ATP10B: variants seen among roughly 807,000 people sequenced by gnomAD.
ATP10B encodes the protein ATPase phospholipid transporting 10B (putative).
A neutral mutation model predicts 141.2 loss-of-function variants in ATP10B; 122 were observed. That is an observed-to-expected ratio of 0.86 (90% CI 0.75 to 1.00). The LOEUF (loss-of-function observed/expected upper bound fraction) is 1.00. Among genes scored for constraint, ATP10B ranks in the 50% least tolerant of loss-of-function variants. The pLI is 0.00. For missense variants in ATP10B, 1,876 were observed against 1,825.3 expected (o/e 1.03, Z -0.51); for synonymous variants, 685 against 692.0 (o/e 0.99, Z 0.16).
Position 160,708,229 on chromosome 5 carries a change from T to C in ATP10B, c.-205+8680A>G, listed in dbSNP as rs567272374. On this transcript the variant is annotated intron_variant, in intron 3 of 25. Coordinates refer to ENST00000327245, the MANE Select transcript of ATP10B (RefSeq NM_025153.3). The stretch of plus-strand genomic sequence containing the variant: ...CTGATTTTTAAAACAAAACTAGCAT[T>C]CTTTCTGAGGGTATTTTGGCTTATT... 2.6e-5 allele frequency among the ~76,000 whole-genome samples: 4 copies of C among 152,258 alleles called. No homozygotes were observed. In the East Asian group the frequency reaches 7.7e-4, roughly 29 times the overall value.
In ATP10B at chr5:160,802,740, CTG is replaced by C. The variant is rs558254733; in HGVS notation, c.-575-16939_-575-16938del. Among the ~76,000 whole-genome samples the C allele has an allele frequency of 3.3e-5, 5 of 152,306 alleles. No individual in the cohort carries two copies. In the East Asian group the frequency reaches 9.6e-4, roughly 29 times the overall value. ...GGCTTCAGCCTCCTGAATGTGGAGA[CTG>C]TACATTAGGGGGCAGCTTGGTTTCA... On this transcript the variant is annotated intron_variant, in intron 1 of 25. Coordinates refer to ENST00000327245, the MANE Select transcript of ATP10B (RefSeq NM_025153.3).
the ATP10B span, among the ~76,000 whole-genome samples, chr5:160,894,960 C>T: frequency 6.6e-6 from 1 of 152,150 alleles, no homozygotes; most frequent in Non-Finnish European, 1.5e-5. Flanking sequence ...AACTAAGCTT[C>T]ATAAGTGAAG....
intron 1 of ATP10B, among the ~76,000 whole-genome samples, chr5:160,840,425 A>G: frequency 6.6e-6 from 1 of 152,206 alleles, no homozygotes; most frequent in East Asian, 1.9e-4. Flanking sequence ...AATCTAGTAT[A>G]TTAAAAAGGT....
At chr5:160,896,676 T>G in the ATP10B span, among the ~76,000 whole-genome samples, 1 of 152,132 alleles carries the variant, frequency 6.6e-6, no homozygotes, top group African/African-American at 2.4e-5. Context: ...AAAGAGGGAC[T>G]CCTCCCTAAC....
At chr5:160,862,247 A>G in the ATP10B span, among the ~76,000 whole-genome samples, 2 of 151,916 alleles carry the variant, frequency 1.3e-5, no homozygotes, top group Non-Finnish European at 2.9e-5. Flanking sequence ...TAAACAGGAG[A>G]GATTATTTTA....
intron 13 of ATP10B, among the ~76,000 whole-genome samples, chr5:160,627,386 C>G (rs1419618556): frequency 6.6e-6 from 1 of 152,198 alleles, no homozygotes; most frequent in Non-Finnish European, 1.5e-5. Flanking sequence ...TGTCCCTAGT[C>G]TCTAGGACAG....
intron 1 of ATP10B, among the ~76,000 whole-genome samples, chr5:160,798,294 T>C (rs113907492): frequency 7.9e-5 from 12 of 152,314 alleles, no homozygotes; most frequent in African/African-American, 2.9e-4. Context: ...CTTCCTAAAA[T>C]TCAAGTCCAC....
At chr5:160,662,939 C>T (rs1168975823) in intron 7 of ATP10B, among the ~76,000 whole-genome samples, 1 of 152,182 alleles carries the variant, frequency 6.6e-6, no homozygotes, top group African/African-American at 2.4e-5. Flanking sequence ...TGAACTCAAA[C>T]AAATTTACAA....
intron 1 of ATP10B, among the ~76,000 whole-genome samples, chr5:160,811,212 T>G (rs538454542): frequency 4.3e-4 from 66 of 152,292 alleles, no homozygotes; most frequent in Non-Finnish European, 8.4e-4. Context: ...GGTGACACTC[T>G]GAAACTTGTT....
At chr5:160,686,371 C>T in intron 5 of ATP10B, 98 bp from the exon 6 acceptor site, 1 of 883,258 alleles carries the variant, frequency 1.1e-6, no homozygotes, top group African/African-American at 1.7e-5. Flanking sequence ...TCAATTAAAC[C>T]TTCTCTTTCA....
At chr5:160,841,122 G>A (rs796867095) in intron 1 of ATP10B, among the ~76,000 whole-genome samples, 3 of 152,236 alleles carry the variant, frequency 2.0e-5, no homozygotes, top group African/African-American at 7.2e-5. Context: ...ATATATTTAT[G>A]AGGCTACTCA....
At chr5:160,606,706 C>T in intron 19 of ATP10B, 59 bp downstream of exon 19, 3 of 1,544,822 alleles carry the variant, frequency 1.9e-6, no homozygotes, top group African/African-American at 1.4e-5. Flanking sequence ...ACCTCTGGTC[C>T]AGCCTTTCAT....
intron 3 of ATP10B, among the ~76,000 whole-genome samples, chr5:160,692,450 A>G (rs576358836): frequency 6.6e-6 from 1 of 152,302 alleles, no homozygotes; most frequent in East Asian, 1.9e-4. Flanking sequence ...AGCATTAATC[A>G]GGCTGCACTT....
intron 7 of ATP10B, 29 bp downstream of exon 7, chr5:160,670,434 A>C (rs780549632): frequency 6.2e-7 from 1 of 1,609,348 alleles, no homozygotes; most frequent in East Asian, 2.2e-5. Flanking sequence ...CTATGACTTT[A>C]CCATTGAAGA....
intron 22 of ATP10B, among the ~76,000 whole-genome samples, chr5:160,595,665 AGAG>A (rs1756633660): frequency 6.7e-6 from 1 of 149,424 alleles, no homozygotes; most frequent in African/African-American, 2.4e-5. Context: ...AAAGAAAAAA[AGAG>A]AGAAGAATCA....
intron 8 of ATP10B, among the ~76,000 whole-genome samples, chr5:160,647,977 T>C (rs555329143): frequency 1.3e-5 from 2 of 152,244 alleles, no homozygotes; most frequent in South Asian, 4.2e-4. Context: ...GCAGGCCCTA[T>C]TGGTGGAGAA....
Position 160,634,619 on chromosome 5 carries a change from G to C in ATP10B, c.1129-13C>G, listed in dbSNP as rs978063305. 1 of 1,593,510 alleles carries C rather than the reference G, an allele frequency of 6.3e-7. No homozygotes were observed. Among genetic ancestry groups the C allele is most frequent in the Non-Finnish European group, 8.6e-7 (1 of 1,169,552 alleles). ...TGGGGATCAGCACCTGAAAAGAGAT[G>C]AGTTTCTACCATTCAGAAACCAGGC... On this transcript the variant is annotated splice_polypyrimidine_tract_variant and intron_variant, in intron 11 of 25. Transcript: ENST00000327245.
intron 1 of ATP10B, among the ~76,000 whole-genome samples, chr5:160,802,322 A>T (rs888956510): frequency 3.9e-5 from 6 of 152,188 alleles, no homozygotes; most frequent in Non-Finnish European, 8.8e-5. Context: ...TTACCTGAGG[A>T]AAAAATCAAG....
intron 2 of ATP10B, among the ~76,000 whole-genome samples, chr5:160,775,415 G>T (rs1770222077): frequency 6.6e-6 from 1 of 152,164 alleles, no homozygotes. Context: ...GTCCTTCCTA[G>T]TATATATGTT....
Sources: allele counts gnomAD v4.1 joint callset (sites outside exome capture counted in the v4.1 genomes callset), GRCh38; gene constraint gnomAD v4.1.1; transcripts MANE v1.5; gene names NCBI Gene and HGNC (gene_info 2026-07-23, HGNC 2026-07-21).